The following FBXL5 variants were observed in gnomAD, a reference collection of about 807,000 sequenced individuals.
FBXL5 encodes the protein F-box and leucine rich repeat protein 5, also known as F-box/LRR-repeat protein 5.
FBXL5 carries 26 observed loss-of-function variants against 78.3 expected under a neutral mutation model. That is an observed-to-expected ratio of 0.33 (90% CI 0.24 to 0.46). FBXL5 has a LOEUF of 0.46. Among genes scored for constraint, FBXL5 ranks in the 20% least tolerant of loss-of-function variants. FBXL5 has a pLI of 1.00. For synonymous variants in FBXL5, 295 were observed against 282.5 expected, an observed-to-expected ratio of 1.04 and a Z score of -0.45; for missense variants, 710 against 829.2, an observed-to-expected ratio of 0.86 and a Z score of 1.77.
intron 6 of FBXL5, 129 bp downstream of exon 6, chr4:15,630,534 AAGT>A (rs1255814717): frequency 2.8e-6 from 2 of 726,326 alleles, no homozygotes; most frequent in African/African-American, 1.9e-5. Context: ...AAATTTTAAA[AAGT>A]AGTAGGCTTA....
At chr4:15,626,763 A>G (rs1402367269) in intron 8 of FBXL5, 110 bp downstream of exon 8, 3 of 774,256 alleles carry the variant, frequency 3.9e-6, no homozygotes, top group East Asian at 5.5e-5. Flanking sequence ...ATACTCAGAC[A>G]TGACTGAGAT....
intron 1 of FBXL5, among the ~76,000 whole-genome samples, chr4:15,678,720 C>T (rs1384422218): frequency 6.6e-6 from 1 of 152,100 alleles, no homozygotes; most frequent in Non-Finnish European, 1.5e-5. Flanking sequence ...CTTAACAAAT[C>T]AGCTTTTAAT....
At chr4:15,655,537 G>C (rs1242358224), upstream of FBXL5, 1 of 249,756 alleles carries the variant, frequency 4.0e-6, no homozygotes, top group Non-Finnish European at 6.4e-6. Context: ...TTCGTTTTTT[G>C]TCGTCTTCAT....
chr4:15,654,643 T>C (rs1193875143), intron 1 of FBXL5, among the ~76,000 whole-genome samples: 2 of 152,096 alleles, frequency 1.3e-5, no homozygotes, highest in African/African-American at 4.8e-5. Context: ...ATCAAACCAG[T>C]GAAGAAAGCC....
At chr4:15,629,445 C>T (rs4346644) in intron 6 of FBXL5, among the ~76,000 whole-genome samples, 36,850 of 152,014 alleles carry the variant, frequency 0.24, 4,709 homozygotes, top group African/African-American at 0.28. Flanking sequence ...TTTAAAACTG[C>T]AATTTTAAAT....
upstream of FBXL5, among the ~76,000 whole-genome samples, chr4:15,660,407 CAG>C (rs1030343738): frequency 9.2e-5 from 14 of 152,204 alleles, no homozygotes; most frequent in African/African-American, 3.1e-4. Flanking sequence ...AAACTCAAAA[CAG>C]AGTACCAAAA....
At chr4:15,673,440 CA>C (rs1359941783) in intron 1 of FBXL5, among the ~76,000 whole-genome samples, 1 of 151,112 alleles carries the variant, frequency 6.6e-6, no homozygotes, top group African/African-American at 2.4e-5. Flanking sequence ...GACCTCATCT[CA>C]AAAAAAATAA....
At chr4:15,632,392 C>T (rs1042307727) in intron 5 of FBXL5, among the ~76,000 whole-genome samples, 5 of 152,060 alleles carry the variant, frequency 3.3e-5, no homozygotes, top group South Asian at 2.1e-4. Context: ...GTCTTGGCAA[C>T]GCGGGCTCTT....
At chr4:15,613,888 G>A (rs760234722) in intron 9 of FBXL5, among the ~76,000 whole-genome samples, 1 of 151,484 alleles carries the variant, frequency 6.6e-6, no homozygotes, top group Non-Finnish European at 1.5e-5. Flanking sequence ...CCTTTCTCTG[G>A]TGCCTCTTCC....
rs778300017 is a variant in FBXL5 at position 15,625,242 on chromosome 4, G to C, written c.1850+10C>G. The C allele has an allele frequency of 3.8e-6, 6 of 1,574,292 alleles. No homozygotes were observed. The highest frequency in any genetic ancestry group is 5.1e-6 in the Non-Finnish European group (6 of 1,167,168). The stretch of plus-strand genomic sequence containing the variant: ...GTCTATTTCTTAATATTCTGGAACT[G>C]ATAACTCACCTGAGACCATGGTCTG... On this transcript the variant is annotated intron_variant, in intron 9 of 10. Coordinates refer to ENST00000341285, the MANE Select transcript of FBXL5 (RefSeq NM_012161.4).
At chr4:15,620,892 A>G (rs1463045487) in intron 9 of FBXL5, among the ~76,000 whole-genome samples, 2 of 152,132 alleles carry the variant, frequency 1.3e-5, no homozygotes, top group African/African-American at 4.8e-5. Context: ...AGCCCAATCT[A>G]TTTCTTTAAG....
At chr4:15,664,361 C>CA (rs1717441733), upstream of FBXL5, among the ~76,000 whole-genome samples, 1 of 152,040 alleles carries the variant, frequency 6.6e-6, no homozygotes, top group South Asian at 2.1e-4. Context: ...GTTTCTAAAA[C>CA]AAAAAATCTA....
chr4:15,632,860 A>G (rs1713824063), intron 5 of FBXL5, among the ~76,000 whole-genome samples: 1 of 152,162 alleles, frequency 6.6e-6, no homozygotes, highest in South Asian at 2.1e-4. Flanking sequence ...ATCAGAGACA[A>G]TCTGACTTCC....
rs768561529 is a variant in FBXL5, at chr4:15,636,584, A to G, written c.676T>C (p.Cys226Arg). 1.3e-5 allele frequency: 21 copies of G among 1,614,004 alleles called. No homozygotes were observed. The highest frequency in any genetic ancestry group is 1.7e-5 in the Non-Finnish European group (20 of 1,179,998). Residue 226 changes from cysteine to arginine, a missense_variant, in exon 5 of 11, where the codon TGT becomes CGT. This residue lies in a region of FBXL5 where 517 missense variants were observed against 542.9 expected (regional missense o/e 0.95). Transcript: ENST00000341285. Reference sequence around the variant, plus strand: ...TTCATGCTTACTTGACTGCATCGACATAACTCTTGAGGATTAAGATAGCTG... The same window carrying G: ...TTCATGCTTACTTGACTGCATCGACGTAACTCTTGAGGATTAAGATAGCTG... Reference protein sequence around the residue: ...IFSYLNPQELCRCSQVSMKWS... With the variant: ...IFSYLNPQELRRCSQVSMKWS...
Position 15,625,462 on chromosome 4 carries a change from C to T in FBXL5, c.1640G>A (p.Gly547Asp), listed in dbSNP as rs751255509. ...TGTTCCTGTACAACAAAATGAGTGA[C>T]CACAATACGCAAAGGCTGGAGAAGC... The part of the protein sequence containing the change: ...HCASPAFAYC[G>D]HSFCCTGTAL... The change falls in exon 9 of 11, where the codon GGT (glycine) becomes GAT (aspartate). Residue 547 changes from glycine to aspartate, a missense_variant. Coordinates refer to ENST00000341285, the MANE Select transcript of FBXL5 (RefSeq NM_012161.4). 8 of 1,613,786 alleles carry T rather than the reference C, an allele frequency of 5.0e-6. No homozygotes were observed. In the Admixed American group the frequency reaches 1.2e-4, roughly 24 times the overall value.
chr4:15,614,004 TAAAC>T (rs1711534757), intron 9 of FBXL5, among the ~76,000 whole-genome samples: 1 of 152,230 alleles, frequency 6.6e-6, no homozygotes, highest in African/African-American at 2.4e-5. Flanking sequence ...TTGGGAGTGT[TAAAC>T]AACCTTGTTT....
At chr4:15,665,162 G>A (rs1717485257) in intron 1 of FBXL5, among the ~76,000 whole-genome samples, 2 of 152,108 alleles carry the variant, frequency 1.3e-5, no homozygotes, top group Non-Finnish European at 2.9e-5. Context: ...GCCATTATGA[G>A]CTTAGCTGCC....
intron 5 of FBXL5, among the ~76,000 whole-genome samples, chr4:15,633,853 G>A (rs1004576359): frequency 1.3e-5 from 2 of 152,182 alleles, no homozygotes; most frequent in African/African-American, 4.8e-5. Flanking sequence ...GCCTGCCTTT[G>A]CCTCCCAAAG....
chr4:15,656,139 G>A, upstream of FBXL5: 1 of 455,620 alleles, frequency 2.2e-6, no homozygotes, highest in South Asian at 1.5e-5. Context: ...GGGGAGAAGG[G>A]TGAATAATGG....
Sources: gnomAD v4.1 joint callset for allele counts (sites outside exome capture counted in the v4.1 genomes callset) on GRCh38, gnomAD v4.1.1 for gene constraint, gnomAD v4.1.1 regional missense constraint, MANE v1.5 for transcripts, NCBI Gene and HGNC (gene_info 2026-07-23, HGNC 2026-07-21) for gene names.